The following BAZ1B variants were observed in gnomAD, a reference collection of about 807,000 sequenced individuals.
BAZ1B encodes the protein tyrosine-protein kinase BAZ1B.
A neutral mutation model predicts 153.8 loss-of-function variants in BAZ1B; 22 were observed. That is an observed-to-expected ratio of 0.14 (90% CI 0.10 to 0.20). The LOEUF is 0.20. Ranked by LOEUF, BAZ1B falls within the 10% of genes least tolerant of loss-of-function variation. The probability of loss-of-function intolerance (pLI) is 1.00; values close to 1 mark genes in which losing one functional copy is unlikely to be tolerated. For synonymous variants in BAZ1B, 676 were observed against 633.4 expected, an observed-to-expected ratio of 1.07 and a Z score of -1.01; for missense variants, 1,325 against 1,799.3, an observed-to-expected ratio of 0.74 and a Z score of 4.77.
chr7:73,444,764 C>T (rs2116217353), intron 16 of BAZ1B, among the ~76,000 whole-genome samples: 1 of 152,292 alleles, frequency 6.6e-6, no homozygotes, highest in African/African-American at 2.4e-5. Context: ...CATGTAATCC[C>T]ACCACTTTAG....
Position 73,477,193 on chromosome 7 carries a change from G to A in BAZ1B, c.2268C>T (p.Ile756=), listed in dbSNP as rs371468180. ...GGTCTTGCACTGAGTATGTCATGAG[G>A]ATCCGGTGGCACAGTGCTGTCAAGA... The part of the protein sequence containing the change: ...LQILTALCHR[I]LMTYSVQDHM... The change falls in exon 7 of 20, where the codon ATC becomes ATT. Residue 756 remains isoleucine (I), a synonymous_variant. Coordinates refer to ENST00000339594, the MANE Select transcript of BAZ1B (RefSeq NM_032408.4). This position sits in a 1 kb window ranked among gnomAD's most constrained non-coding sequence, Gnocchi z 5.6. 4.3e-5 allele frequency: 70 copies of A among 1,614,068 alleles called. No individual in the cohort carries two copies. Among genetic ancestry groups the A allele is most frequent in the Non-Finnish European group, 5.5e-5 (65 of 1,180,034 alleles).
Position 73,441,472 on chromosome 7 carries a change from A to G in BAZ1B, c.*237T>C, listed in dbSNP as rs1397904336. 6 of 152,436 alleles carry G rather than the reference A, an allele frequency of 3.9e-5. No homozygotes were observed. Among genetic ancestry groups the G allele is most frequent in the African/African-American group, 1.4e-4 (6 of 41,440 alleles). 9.4% of individuals were successfully genotyped at this position (152,436 alleles called of 1,614,324 possible). On this transcript the variant is annotated 3_prime_UTR_variant, in exon 20 of 20. Coordinates refer to ENST00000339594, the MANE Select transcript of BAZ1B (RefSeq NM_032408.4). The stretch of plus-strand genomic sequence containing the variant: ...AAAGGTTATATGCATGATTATAAGC[A>G]GGACTCCAGTCTCTAAGTGAAGTGC...
intron 13 of BAZ1B, among the ~76,000 whole-genome samples, chr7:73,457,700 T>C (rs911256878): frequency 1.3e-5 from 2 of 152,112 alleles, no homozygotes; most frequent in Non-Finnish European, 2.9e-5. Flanking sequence ...AGGCTTTCGG[T>C]GAGACCTCTA....
intron 4 of BAZ1B, among the ~76,000 whole-genome samples, chr7:73,493,658 T>C (rs1357836358): frequency 1.3e-5 from 2 of 151,668 alleles, no homozygotes; most frequent in Non-Finnish European, 2.9e-5. Context: ...CTGGGCAACA[T>C]GGTGAAACCC....
chr7:73,459,288 G>T (rs1218838373), intron 13 of BAZ1B, among the ~76,000 whole-genome samples: 1 of 150,198 alleles, frequency 6.7e-6, no homozygotes, highest in Admixed American at 6.6e-5. Flanking sequence ...CTCTGGTAAA[G>T]GTGGGAAGGC....
intron 3 of BAZ1B, among the ~76,000 whole-genome samples, chr7:73,507,436 C>A (rs1213203018): frequency 6.6e-6 from 1 of 151,902 alleles, no homozygotes; most frequent in East Asian, 1.9e-4. Context: ...GTGGTCCCAG[C>A]TACATGGAGG....
At chr7:73,459,389 T>TG in intron 13 of BAZ1B, 147 bp downstream of exon 13, 1 of 640,756 alleles carries the variant, frequency 1.6e-6, no homozygotes, top group Admixed American at 3.4e-5. Flanking sequence ...AGAAAGTGAT[T>TG]AAAAAAAAAA....
At chr7:73,441,823 AAC>A in intron 19 of BAZ1B, 130 bp from the exon 20 acceptor site, 1 of 269,310 alleles carries the variant, frequency 3.7e-6, no homozygotes, top group Non-Finnish European at 7.0e-6. Context: ...CCTGCTATGT[AAC>A]ACAGCAATCC....
intron 13 of BAZ1B, among the ~76,000 whole-genome samples, chr7:73,459,044 C>T (rs1243214307): frequency 2.0e-5 from 3 of 151,918 alleles, no homozygotes; most frequent in African/African-American, 4.8e-5. Flanking sequence ...GTCAAGAGAT[C>T]GAGACCACTC....
At chr7:73,467,402 C>CT (rs1788635949) in intron 9 of BAZ1B, among the ~76,000 whole-genome samples, 2 of 151,880 alleles carry the variant, frequency 1.3e-5, no homozygotes, top group Admixed American at 1.3e-4. Flanking sequence ...CAGAATGTTG[C>CT]TCTGTCACCC....
intron 5 of BAZ1B, among the ~76,000 whole-genome samples, 176 bp from the exon 6 acceptor site, chr7:73,489,567 C>T (rs547698487): frequency 1.4e-4 from 22 of 152,174 alleles, no homozygotes; most frequent in Non-Finnish European, 2.4e-4. Context: ...GTAATCTCAT[C>T]AACTCAGGAG....
intron 13 of BAZ1B, among the ~76,000 whole-genome samples, chr7:73,456,832 G>A (rs578231566): frequency 6.7e-6 from 1 of 149,992 alleles, no homozygotes; most frequent in Non-Finnish European, 1.5e-5. Flanking sequence ...TATAGTCTCA[G>A]CTACTTGGGA....
chr7:73,481,666 C>A (rs1789205624), intron 6 of BAZ1B, among the ~76,000 whole-genome samples: 1 of 152,060 alleles, frequency 6.6e-6, no homozygotes, highest in African/African-American at 2.4e-5. Flanking sequence ...TATCTAACTT[C>A]AAAGGCCAAC....
At chr7:73,471,078 A>G (rs1788787240) in intron 7 of BAZ1B, among the ~76,000 whole-genome samples, 1 of 152,204 alleles carries the variant, frequency 6.6e-6, no homozygotes, top group Admixed American at 6.5e-5. Context: ...CTGAAGAAAC[A>G]GTTAACAGTC....
chr7:73,457,087 A>T (rs1785444660), intron 13 of BAZ1B, among the ~76,000 whole-genome samples: 5 of 151,828 alleles, frequency 3.3e-5, no homozygotes, highest in Admixed American at 3.3e-4. Context: ...AAAGTTAAAC[A>T]CTGAATTACC....
chr7:73,443,873 AAGG>A lies in BAZ1B; in HGVS notation c.3990+108_3990+110del, dbSNP rs1787722252. On this transcript the variant is annotated intron_variant, in intron 17 of 19. Transcript: ENST00000339594. ...TCCCCAGCCTCCCAAGTTTGGTAAGAAGGAGGAGGGGGGAGGCTCCCCTCCCAC... is the reference window on the plus strand; with the variant it reads ...TCCCCAGCCTCCCAAGTTTGGTAAGAAGGAGGGGGGAGGCTCCCCTCCCAC... 12 of 1,524,144 alleles carry A rather than the reference AAGG, an allele frequency of 7.9e-6. No homozygotes were observed. The African/African-American group carries it at 9.7e-5, about 12-fold the overall frequency. The allele number at this position is 1,524,144 out of a possible 1,614,324, so 94.4% of individuals were successfully genotyped here.
intron 3 of BAZ1B, among the ~76,000 whole-genome samples, chr7:73,500,525 C>T (rs1214303682): frequency 2.0e-5 from 3 of 151,992 alleles, no homozygotes; most frequent in Non-Finnish European, 4.4e-5. Flanking sequence ...TTGGGCAACA[C>T]AGCGAGACCT....
chr7:73,479,798 C>T (rs555611986), intron 6 of BAZ1B, among the ~76,000 whole-genome samples: 3 of 152,188 alleles, frequency 2.0e-5, no homozygotes, highest in African/African-American at 7.2e-5. Context: ...AAAACCATAA[C>T]CCTGATTAAC....
chr7:73,455,518 A>G (rs1446623127), intron 13 of BAZ1B, among the ~76,000 whole-genome samples: 1 of 151,600 alleles, frequency 6.6e-6, no homozygotes, highest in African/African-American at 2.4e-5. Flanking sequence ...GAGGTGGCTC[A>G]TGCCTGTAAT....
Sources: allele counts gnomAD v4.1 joint callset (sites outside exome capture counted in the v4.1 genomes callset), GRCh38; gene constraint gnomAD v4.1.1; non-coding constraint Gnocchi (gnomAD v3.1); transcripts MANE v1.5; gene names NCBI Gene and HGNC (gene_info 2026-07-23, HGNC 2026-07-21).